Variants in AMMECR1L observed in about 807,000 individuals in gnomAD.
AMMECR1L encodes the protein AMMECR1 like.
A neutral mutation model predicts 36.8 loss-of-function variants in AMMECR1L; 4 were observed. The ratio of observed to expected loss-of-function variants is 0.11; its 90% CI spans 0.05 to 0.25. The LOEUF (loss-of-function observed/expected upper bound fraction) is 0.25, where lower values mean the gene tolerates loss of function less well. Ranked by LOEUF, AMMECR1L falls within the 10% of genes least tolerant of loss-of-function variation. The pLI is 1.00. For synonymous variants in AMMECR1L, 147 were observed against 148.0 expected, an observed-to-expected ratio of 0.99 and a Z score of 0.05; for missense variants, 232 against 392.1, an observed-to-expected ratio of 0.59 and a Z score of 3.45.
intron 2 of AMMECR1L, among the ~76,000 whole-genome samples, 167 bp downstream of exon 2, chr2:127,884,036 T>C (rs1349148526): frequency 6.6e-6 from 1 of 152,184 alleles, no homozygotes; most frequent in East Asian, 1.9e-4. Flanking sequence ...CATATTTAAA[T>C]TATTTTAAAA....
At chr2:127,883,137 G>A (rs898489242) in intron 2 of AMMECR1L, among the ~76,000 whole-genome samples, 24 of 146,840 alleles carry the variant, frequency 1.6e-4, no homozygotes, top group African/African-American at 5.6e-4. Flanking sequence ...TCGCTCTGTC[G>A]TCAGGCTGGA....
rs1267270806 is a variant in AMMECR1L at position 127,862,429 on chromosome 2, G to A, written c.*2665C>T. On this transcript the variant is annotated 3_prime_UTR_variant, in exon 8 of 8. Coordinates refer to ENST00000272647, the MANE Select transcript of AMMECR1L (RefSeq NM_001199140.2). ...AGAGAAGGCAGTTCAGTTCCAGTTC[G>A]GAGCTATCCTCTCCCTATGCAAAGC... 1 of 153,726 alleles carries A rather than the reference G, an allele frequency of 6.5e-6. No individual in the cohort carries two copies. The highest frequency in any genetic ancestry group is 6.5e-5 in the Admixed American group (1 of 15,272). The allele number at this position is 153,726 out of a possible 1,614,324, so 9.5% of individuals were successfully genotyped here. A position where few individuals can be genotyped will look rare whatever the true frequency, so the allele number is the denominator to read the frequency against.
At position 127,865,496 on chromosome 2, in the gene AMMECR1L, C is replaced by G. The variant is rs1690644971; in HGVS notation, c.822-291G>C. ...CAGGCTGCTCGTAAGCAATCCGCTACTGGGGTCTGGATGAAGAATTTCAAG... is the reference window on the plus strand; with the variant it reads ...CAGGCTGCTCGTAAGCAATCCGCTAGTGGGGTCTGGATGAAGAATTTCAAG... On this transcript the variant is annotated intron_variant, in intron 7 of 7. Transcript: ENST00000272647. This position sits in a 1 kb window ranked among gnomAD's most constrained non-coding sequence, Gnocchi z 5.4. 6.6e-6 allele frequency among the ~76,000 whole-genome samples: 1 copy of G among 152,074 alleles called. No individual in the cohort carries two copies. The highest frequency in any genetic ancestry group is 2.1e-4 in the South Asian group (1 of 4,820).
chr2:127,873,277 G>C lies in AMMECR1L; in HGVS notation c.407+551C>G. On this transcript the variant is annotated intron_variant, in intron 3 of 7. Transcript: ENST00000272647. The surrounding 1 kb of genome is among the most constrained non-coding windows in gnomAD (Gnocchi z 5.2). ...TCACTGAGACCAGTAGAGGGCTTGG[G>C]ACAAGCAACAAAGAATCTTGAACTA... is the stretch of plus-strand genomic sequence containing the variant. 1.0e-6 allele frequency: 1 copy of C among 985,460 alleles called. No individual in the cohort carries two copies. Among genetic ancestry groups the C allele is most frequent in the Non-Finnish European group, 1.2e-6 (1 of 829,942 alleles). 61.0% of individuals were successfully genotyped at this position (985,460 alleles called of 1,614,324 possible).
chr2:127,871,350 A>G lies in AMMECR1L; in HGVS notation c.417T>C (p.Phe139=), dbSNP rs1690956185. ...TGTCCCGCCCTGTCTTCCACGTCAC[A>G]AAGAGCGGACTAAAAAAAGCAAAAC... ...PRFTNDPYPL[F]VTWKTGRDKR... is the part of the protein sequence containing the mutation. The change falls in exon 4 of 8, where the codon TTT becomes TTC. Residue 139 remains phenylalanine (F), a synonymous_variant. Transcript: ENST00000272647. The surrounding 1 kb of genome is among the most constrained non-coding windows in gnomAD (Gnocchi z 4.3). The G allele has an allele frequency of 3.7e-6, 6 of 1,613,858 alleles. No homozygotes were observed. Among genetic ancestry groups the G allele is most frequent in the Middle Eastern group, 1.7e-4 (1 of 6,060 alleles).
chr2:127,880,553 C>T (rs1382059614), intron 2 of AMMECR1L, among the ~76,000 whole-genome samples: 1 of 152,040 alleles, frequency 6.6e-6, no homozygotes, highest in Non-Finnish European at 1.5e-5. Context: ...GATGTACACA[C>T]TCAAGGGGGC....
intron 2 of AMMECR1L, among the ~76,000 whole-genome samples, chr2:127,880,773 T>TACACAC (rs56950354): frequency 0.014 from 2,055 of 148,986 alleles, 27 homozygotes; most frequent in South Asian, 0.044. Context: ...ACATACAGTA[T>TACACAC]ACACACACAC....
chr2:127,882,562 T>G (rs780003099), intron 2 of AMMECR1L, among the ~76,000 whole-genome samples: 2 of 152,178 alleles, frequency 1.3e-5, no homozygotes, highest in Non-Finnish European at 2.9e-5. Flanking sequence ...TGTGAAAATT[T>G]TCCCCCACAA....
rs1455016802 is a variant in AMMECR1L, at chr2:127,864,500, T to C, written c.*594A>G. 6.6e-6 allele frequency: 1 copy of C among 152,284 alleles called. No individual in the cohort carries two copies. The highest frequency in any genetic ancestry group is 2.4e-5 in the African/African-American group (1 of 41,470). 9.4% of individuals were successfully genotyped at this position (152,284 alleles called of 1,614,324 possible). ...ACGCCACCCAAAGGGCTTCCGATCT[T>C]GATGTGGGTCTCTGTCCAGGAGCCT... On this transcript the variant is annotated 3_prime_UTR_variant, in exon 8 of 8. Coordinates refer to ENST00000272647, the MANE Select transcript of AMMECR1L (RefSeq NM_001199140.2).
chr2:127,870,937 G>A lies in AMMECR1L; in HGVS notation c.519-9C>T. ...GGCTGTCCTTAAGTGCACTGGAGGG[G>A]GACAGAAAACATAGGTAAGGCTGCT... On this transcript the variant is annotated splice_polypyrimidine_tract_variant and intron_variant, in intron 4 of 7. Transcript: ENST00000272647. 2.5e-6 allele frequency: 4 copies of A among 1,603,636 alleles called. No homozygotes were observed. The highest frequency in any genetic ancestry group is 3.4e-6 in the Non-Finnish European group (4 of 1,173,914).
intron 2 of AMMECR1L, among the ~76,000 whole-genome samples, chr2:127,875,247 T>C (rs906507071): frequency 7.9e-5 from 12 of 152,166 alleles, no homozygotes; most frequent in African/African-American, 2.7e-4. Flanking sequence ...CTGAAAAGTG[T>C]CACTCCTCAA....
chr2:127,868,776 G>A (rs189871443), intron 6 of AMMECR1L, among the ~76,000 whole-genome samples: 24 of 151,978 alleles, frequency 1.6e-4, no homozygotes, highest in African/African-American at 5.1e-4. Context: ...CCAGGCTGGA[G>A]TGTAATGGCA....
chr2:127,871,913 G>T lies in AMMECR1L; in HGVS notation c.408-554C>A, dbSNP rs186987175. The stretch of plus-strand genomic sequence containing the variant: ...TTAAAAAAAGATTTAAAAAGGCCGG[G>T]TGCAGTGGCTCATGCCTGTAATCCC... On this transcript the variant is annotated intron_variant, in intron 3 of 7. Transcript: ENST00000272647. This position sits in a 1 kb window ranked among gnomAD's most constrained non-coding sequence, Gnocchi z 4.3. Among the ~76,000 whole-genome samples the T allele has an allele frequency of 3.3e-5, 5 of 152,250 alleles. No homozygotes were observed. The East Asian group carries it at 9.7e-4, about 29-fold the overall frequency.
At chr2:127,868,871 T>C (rs1690828246) in intron 6 of AMMECR1L, among the ~76,000 whole-genome samples, 1 of 150,380 alleles carries the variant, frequency 6.6e-6, no homozygotes, top group South Asian at 2.2e-4. Flanking sequence ...TCTACAGGCA[T>C]GCACCACCAT....
chr2:127,865,095 C>A lies in AMMECR1L; in HGVS notation c.932G>T (p.Ter311LeuextTer5), dbSNP rs1690623239. ...TGGGACTGGTCATGCAGCCGTGTGT[C>A]AGGAGTAATGATTGTAGAGGGGCGG... ...HAPPLYNHYS[*>L] Residue 311 changes from the stop codon to leucine (L), a stop_lost, in exon 8 of 8, where the codon TGA becomes TTA. Transcript: ENST00000272647. The surrounding 1 kb of genome is among the most constrained non-coding windows in gnomAD (Gnocchi z 5.4). 6.2e-7 allele frequency: 1 copy of A among 1,611,888 alleles called. No individual in the cohort carries two copies. The highest frequency in any genetic ancestry group is 1.3e-5 in the African/African-American group (1 of 74,748).
rs987140651 is a variant in AMMECR1L, at chr2:127,862,864, C to T, written c.*2230G>A. 2 of 147,452 alleles carry T rather than the reference C, an allele frequency of 1.4e-5. No homozygotes were observed. The highest frequency in any genetic ancestry group is 2.1e-4 in the South Asian group (1 of 4,658). 9.1% of individuals were successfully genotyped at this position (147,452 alleles called of 1,614,324 possible). On this transcript the variant is annotated 3_prime_UTR_variant, in exon 8 of 8. Coordinates refer to ENST00000272647, the MANE Select transcript of AMMECR1L (RefSeq NM_001199140.2). ...AAATGGCAGGTATCGTACCCCCCCTCGATAAAATAAAATAAAATAAAATAA... is the reference window on the plus strand; with the variant it reads ...AAATGGCAGGTATCGTACCCCCCCTTGATAAAATAAAATAAAATAAAATAA...
intron 2 of AMMECR1L, among the ~76,000 whole-genome samples, chr2:127,876,415 A>C (rs1691248057): frequency 6.6e-6 from 1 of 151,530 alleles, no homozygotes; most frequent in South Asian, 2.1e-4. Context: ...CTCTCACTAC[A>C]GCCTCCCCAG....
At chr2:127,877,637 A>G (rs1422482500) in intron 2 of AMMECR1L, among the ~76,000 whole-genome samples, 1 of 151,878 alleles carries the variant, frequency 6.6e-6, no homozygotes, top group African/African-American at 2.4e-5. Context: ...CACCTGGGCC[A>G]GAACTAGGAT....
At position 127,873,286 on chromosome 2, in the gene AMMECR1L, C is replaced by T; in HGVS notation, c.407+542G>A. On this transcript the variant is annotated intron_variant, in intron 3 of 7. Transcript: ENST00000272647. The surrounding 1 kb of genome is among the most constrained non-coding windows in gnomAD (Gnocchi z 5.2). The stretch of plus-strand genomic sequence containing the variant: ...CCAGTAGAGGGCTTGGGACAAGCAA[C>T]AAAGAATCTTGAACTAAAAATACTG... 1 of 985,452 alleles carries T rather than the reference C, an allele frequency of 1.0e-6. No homozygotes were observed. Among genetic ancestry groups the T allele is most frequent in the Non-Finnish European group, 1.2e-6 (1 of 829,932 alleles). 61.0% of individuals were successfully genotyped at this position (985,452 alleles called of 1,614,324 possible).
Sources: allele counts gnomAD v4.1 joint callset (sites outside exome capture counted in the v4.1 genomes callset), GRCh38; gene constraint gnomAD v4.1.1; non-coding constraint Gnocchi (gnomAD v3.1); transcripts MANE v1.5; gene names NCBI Gene and HGNC (gene_info 2026-07-23, HGNC 2026-07-21).